The following OAS3 variants were observed in gnomAD, a reference collection of about 807,000 sequenced individuals.
The protein encoded by OAS3 is 2'-5'-oligoadenylate synthase 3.
A neutral mutation model predicts 113.0 loss-of-function variants in OAS3; 107 were observed. That is an observed-to-expected ratio of 0.95 (90% confidence interval 0.81 to 1.11). The LOEUF is 1.11. Ranked by LOEUF, OAS3 falls within the 50% of genes most tolerant of loss-of-function variation. The pLI, the probability that OAS3 is intolerant of heterozygous loss-of-function variation, is 0.00. For synonymous variants in OAS3, 552 were observed against 573.6 expected, an observed-to-expected ratio of 0.96 and a Z score of 0.54; for missense variants, 1,258 against 1,389.1, an observed-to-expected ratio of 0.91 and a Z score of 1.50.
chr12:112,959,323 C>T (rs1418013184), intron 7 of OAS3, among the ~76,000 whole-genome samples: 3 of 151,484 alleles, frequency 2.0e-5, no homozygotes, highest in Non-Finnish European at 4.4e-5. Context: ...CCTGCTTCGG[C>T]TCATGGTCCG....
At position 112,968,155 on chromosome 12, in the gene OAS3, C is replaced by T. The variant is rs752405954; in HGVS notation, c.3085C>T (p.Gln1029Ter). 2.5e-6 allele frequency: 4 copies of T among 1,612,928 alleles called. No individual in the cohort carries two copies. The East Asian group carries it at 8.9e-5, about 36-fold the overall frequency. Residue 1029 changes from glutamine to a stop codon, truncating the protein, a stop_gained, in exon 14 of 16, where the codon CAG becomes TAG. Coordinates refer to ENST00000228928, the MANE Select transcript of OAS3 (RefSeq NM_006187.4). LOFTEE classifies it high-confidence loss of function. ...CAAGACTGTTGGAGACTTCCTGAAA[C>T]AGCAGCTTCAGAAGCCCAGGTTCAG... ...KDKTVGDFLK[Q>*]QLQKPRPIIL...
At chr12:112,960,989 A>G in intron 7 of OAS3, 82 bp from the exon 8 acceptor site, 1 of 1,314,078 alleles carries the variant, frequency 7.6e-7, no homozygotes, top group Non-Finnish European at 1.1e-6. Context: ...GAATATTCAT[A>G]AAGGCTGGTG....
In OAS3 at chr12:112,964,199, C is replaced by T. The variant is rs764356044; in HGVS notation, c.2230-36C>T. The stretch of plus-strand genomic sequence containing the variant: ...GGGCTTGGGTGAGCACTGGGAGTCC[C>T]GTCTCAAGCTGGCCCCACCTGGATT... On this transcript the variant is annotated intron_variant, in intron 10 of 15. Transcript: ENST00000228928. 1.2e-5 allele frequency: 19 copies of T among 1,550,814 alleles called. 1 individual carries two copies. The highest frequency in any genetic ancestry group is 4.1e-5 in the African/African-American group (3 of 73,146).
rs768833460 is a variant in OAS3 at position 112,941,678 on chromosome 12, G to C, written c.286G>C (p.Glu96Gln). ...SYVDQRARRA[E>Q]ILSEMRASLE... The stretch of plus-strand genomic sequence containing the variant: ...TGTGGACCAGAGGGCCCGCCGTGCA[G>C]AGATCCTCAGTGAGATGCGGGCATC... Residue 96 changes from glutamate to glutamine, a missense_variant, in exon 2 of 16, where the codon GAG becomes CAG. Glu to Gln is a conservative substitution (Grantham distance 29). Coordinates refer to ENST00000228928, the MANE Select transcript of OAS3 (RefSeq NM_006187.4). 3.7e-6 allele frequency: 6 copies of C among 1,614,056 alleles called. No homozygotes were observed. In the South Asian group the frequency reaches 6.6e-5, roughly 18 times the overall value.
At chr12:112,968,275 G>A (rs1396974877) in intron 14 of OAS3, 101 bp downstream of exon 14, 2 of 1,397,498 alleles carry the variant, frequency 1.4e-6, no homozygotes, top group African/African-American at 1.4e-5. Flanking sequence ...ACTCTTCCTA[G>A]AACGGATTCC....
At chr12:112,947,919 A>T (rs370031207) in intron 4 of OAS3, 27 bp from the exon 5 acceptor site, 79 of 1,554,150 alleles carry the variant, frequency 5.1e-5, no homozygotes, top group Non-Finnish European at 6.9e-5. Context: ...TGCTAACCAG[A>T]ACCTTCTTGT....
intron 1 of OAS3, among the ~76,000 whole-genome samples, chr12:112,940,259 C>G (rs912745929): frequency 1.3e-5 from 2 of 152,142 alleles, no homozygotes; most frequent in African/African-American, 4.8e-5. Flanking sequence ...CAGCAGCCCC[C>G]AGATGGTGGG....
intron 7 of OAS3, 83 bp from the exon 8 acceptor site, chr12:112,960,988 T>C: frequency 7.7e-7 from 1 of 1,305,898 alleles, no homozygotes; most frequent in Non-Finnish European, 1.1e-6. Context: ...AGAATATTCA[T>C]AAAGGCTGGT....
At chr12:112,949,241 A>C in intron 6 of OAS3, 36 bp downstream of exon 6, 3 of 1,567,448 alleles carry the variant, frequency 1.9e-6, no homozygotes, top group Non-Finnish European at 8.7e-7. Flanking sequence ...GGGGGACCCT[A>C]TCGAGGGATC....
Position 112,944,652 on chromosome 12 carries a change from G to C in OAS3, c.636+1G>C, listed in dbSNP as rs2043711578. On this transcript the variant is annotated splice_donor_variant, in intron 3 of 15. Transcript: ENST00000228928. LOFTEE classifies it high-confidence loss of function. ...GCTGGTGAAGCACTGGTACCACCAG[G>C]TGAAGCCACTTGGAAGGGTTTCTCC... The C allele has an allele frequency of 6.2e-7, 1 of 1,613,994 alleles. No individual in the cohort carries two copies. Among genetic ancestry groups the C allele is most frequent in the Non-Finnish European group, 8.5e-7 (1 of 1,179,890 alleles).
chr12:112,950,853 TGC>T lies in OAS3; in HGVS notation c.1536_1537del (p.Pro513GlnfsTer8). 6.2e-7 allele frequency: 1 copy of T among 1,614,046 alleles called. No individual in the cohort carries two copies. The highest frequency in any genetic ancestry group is 2.2e-5 in the East Asian group (1 of 44,884). On this transcript the variant is annotated frameshift_variant, in exon 7 of 16. Transcript: ENST00000228928. LOFTEE classifies it high-confidence loss of function. Reference sequence around the variant, plus strand: ...CTAGAATCCTGGTGGCAGGACCAGGTGCCCAGCCTGAGCCTTCAGTTTCCTGA... The same window carrying T: ...CTAGAATCCTGGTGGCAGGACCAGGTCCAGCCTGAGCCTTCAGTTTCCTGA...
chr12:112,955,432 C>T (rs1025194937), intron 7 of OAS3, among the ~76,000 whole-genome samples: 1 of 152,152 alleles, frequency 6.6e-6, no homozygotes, highest in Admixed American at 6.5e-5. Flanking sequence ...AGTTTTTGCC[C>T]ATTCAGTACG....
intron 7 of OAS3, among the ~76,000 whole-genome samples, chr12:112,952,317 C>A (rs1458548583): frequency 6.6e-6 from 1 of 152,114 alleles, no homozygotes; most frequent in Non-Finnish European, 1.5e-5. Flanking sequence ...TTTTGTCTGA[C>A]ATTAATAGGG....
chr12:112,964,405 C>A lies in OAS3; in HGVS notation c.2400C>A (p.Val800=). ...RNSPIKVIKV[V]KGGSSAKGTA... is the part of the protein sequence containing the mutation. Reference sequence around the variant, plus strand: ...CTCCCATCAAAGTGATCAAGGTGGTCAAGGTGAGTCCTCAGAGAGCTGTAG... The same window carrying A: ...CTCCCATCAAAGTGATCAAGGTGGTAAAGGTGAGTCCTCAGAGAGCTGTAG... Residue 800 remains valine (V), a synonymous_variant, in exon 11 of 16, where the codon GTC becomes GTA. Coordinates refer to ENST00000228928, the MANE Select transcript of OAS3 (RefSeq NM_006187.4). 3.1e-6 allele frequency: 5 copies of A among 1,610,708 alleles called. No individual in the cohort carries two copies. The highest frequency in any genetic ancestry group is 1.1e-5 in the South Asian group (1 of 90,002).
At position 112,963,652 on chromosome 12, in the gene OAS3, A is replaced by G. The variant is rs886799460; in HGVS notation, c.2229+195A>G. Among the ~76,000 whole-genome samples, 1 of 152,206 alleles carries G rather than the reference A, an allele frequency of 6.6e-6. No homozygotes were observed. ...GTCCCAGCCAGTGCCTGAGTGACAC[A>G]GGGTTACAAAAAGCCTAACTCTGTC... On this transcript the variant is annotated intron_variant, in intron 10 of 15. Coordinates refer to ENST00000228928, the MANE Select transcript of OAS3 (RefSeq NM_006187.4). The surrounding 1 kb of genome is among the most constrained non-coding windows in gnomAD (Gnocchi z 4.6).
At chr12:112,948,125 T>C in intron 5 of OAS3, 26 bp downstream of exon 5, 3 of 1,493,022 alleles carry the variant, frequency 2.0e-6, no homozygotes, top group Non-Finnish European at 2.7e-6. Flanking sequence ...CCAGGACCCT[T>C]GGGTTTTGCA....
At chr12:112,950,586 G>A (rs2043779586) in intron 6 of OAS3, 107 bp from the exon 7 acceptor site, 3 of 1,311,904 alleles carry the variant, frequency 2.3e-6, no homozygotes, top group Non-Finnish European at 3.2e-6. Flanking sequence ...CCTGACATCA[G>A]CAAGAGGGCA....
In OAS3 at chr12:112,968,078, C is replaced by T; in HGVS notation, c.3008C>T (p.Thr1003Ile). ...TTCCGCACGGTCCTGGAGCTGGTCA[C>T]CCAGTACCGCCAGCTCTGTATCTAC... ...EGFRTVLELVTQYRQLCIYWT... is the reference protein window; with the variant it reads ...EGFRTVLELVIQYRQLCIYWT... Residue 1003 changes from threonine (T) to isoleucine (I), a missense_variant, in exon 14 of 16, where the codon ACC (threonine) becomes ATC (isoleucine). Coordinates refer to ENST00000228928, the MANE Select transcript of OAS3 (RefSeq NM_006187.4). The T allele has an allele frequency of 6.2e-7, 1 of 1,613,996 alleles. No individual in the cohort carries two copies. The highest frequency in any genetic ancestry group is 8.5e-7 in the Non-Finnish European group (1 of 1,179,886).
Position 112,961,151 on chromosome 12 carries a change from A to G in OAS3, c.1738A>G (p.Lys580Glu). ...LTSGCQEGEH[K>E]ACFAELRRNF... ...CAGTGGCTGCCAGGAGGGCGAGCAT[A>G]AGGCCTGCTTCGCAGAGCTGCGGAG... is the stretch of plus-strand genomic sequence containing the variant. Residue 580 changes from lysine to glutamate, a missense_variant, in exon 8 of 16, where the codon AAG becomes GAG. Lys to Glu is a moderately conservative substitution (Grantham distance 56). Transcript: ENST00000228928. 1 of 1,614,004 alleles carries G rather than the reference A, an allele frequency of 6.2e-7. No homozygotes were observed. The highest frequency in any genetic ancestry group is 8.5e-7 in the Non-Finnish European group (1 of 1,179,894).
Sources: allele counts gnomAD v4.1 joint callset (sites outside exome capture counted in the v4.1 genomes callset), GRCh38; gene constraint gnomAD v4.1.1; non-coding constraint Gnocchi (gnomAD v3.1); transcripts MANE v1.5; gene names NCBI Gene and HGNC (gene_info 2026-07-23, HGNC 2026-07-21).